Variants in TBC1D19 observed in about 807,000 individuals in gnomAD.
The protein encoded by TBC1D19 is TBC1 domain family, member 19.
TBC1D19 carries 60 observed loss-of-function variants against 89.0 expected under a neutral mutation model. That is an observed-to-expected ratio of 0.67 (90% CI 0.55 to 0.84). The LOEUF (loss-of-function observed/expected upper bound fraction) is 0.84, where lower values mean the gene tolerates loss of function less well. Among genes scored for constraint, TBC1D19 ranks in the 40% least tolerant of loss-of-function variants. TBC1D19 has a pLI of 0.00. For synonymous variants in TBC1D19, 189 were observed against 199.7 expected (o/e 0.95, Z 0.45); for missense variants, 500 against 610.8 (o/e 0.82, Z 1.91).
chr4:26,728,839 C>T (rs1334619160), intron 15 of TBC1D19, among the ~76,000 whole-genome samples: 1 of 152,034 alleles, frequency 6.6e-6, no homozygotes, highest in African/African-American at 2.4e-5. Flanking sequence ...TGGTGAAACC[C>T]CGTCTCTACT....
At chr4:26,803,694 A>C in the TBC1D19 span, among the ~76,000 whole-genome samples, 3 of 152,296 alleles carry the variant, frequency 2.0e-5, no homozygotes, top group South Asian at 6.2e-4. Flanking sequence ...TGGAGGGATT[A>C]ACAGGGAGTA....
At chr4:26,734,429 A>G (rs1418326607) in intron 15 of TBC1D19, among the ~76,000 whole-genome samples, 2 of 152,178 alleles carry the variant, frequency 1.3e-5, no homozygotes, top group African/African-American at 4.8e-5. Context: ...TGTTAGCTAT[A>G]TGGTGGTATA....
intron 12 of TBC1D19, among the ~76,000 whole-genome samples, chr4:26,688,016 G>C (rs1005521583): frequency 1.3e-5 from 2 of 152,124 alleles, no homozygotes; most frequent in Non-Finnish European, 2.9e-5. Context: ...GGGCCAGATC[G>C]TTATGGTTGC....
chr4:26,706,577 C>T (rs1715753424), intron 13 of TBC1D19, among the ~76,000 whole-genome samples: 1 of 152,052 alleles, frequency 6.6e-6, no homozygotes, highest in South Asian at 2.1e-4. Context: ...CTGCTAGCTT[C>T]TAGCCTAGTT....
At chr4:26,578,350 G>A (rs1280777032) in intron 1 of TBC1D19, among the ~76,000 whole-genome samples, 2 of 152,120 alleles carry the variant, frequency 1.3e-5, no homozygotes, top group Admixed American at 6.5e-5. Context: ...ATGGAGACAG[G>A]TCCAACTGCA....
intron 16 of TBC1D19, 126 bp downstream of exon 16, chr4:26,735,613 T>G: frequency 1.2e-6 from 1 of 805,966 alleles, no homozygotes; most frequent in Non-Finnish European, 1.8e-6. Flanking sequence ...AAAAATAAAG[T>G]GAAATGCATG....
At chr4:26,710,821 T>C (rs928668531) in intron 13 of TBC1D19, among the ~76,000 whole-genome samples, 1 of 152,228 alleles carries the variant, frequency 6.6e-6, no homozygotes, top group African/African-American at 2.4e-5. Context: ...GCTGCCTAAA[T>C]GTCTTCTTTT....
intron 13 of TBC1D19, among the ~76,000 whole-genome samples, chr4:26,702,635 A>C (rs1392169083): frequency 6.6e-6 from 1 of 152,148 alleles, no homozygotes; most frequent in Non-Finnish European, 1.5e-5. Flanking sequence ...TAATTTTTTC[A>C]GTCATAGGTC....
At chr4:26,824,397 T>C in the TBC1D19 span, among the ~76,000 whole-genome samples, 10 of 152,204 alleles carry the variant, frequency 6.6e-5, no homozygotes, top group Non-Finnish European at 1.2e-4. Context: ...TTCACAGTAA[T>C]ATATTTCTCT....
the TBC1D19 span, among the ~76,000 whole-genome samples, chr4:26,847,163 A>G: frequency 6.6e-6 from 1 of 152,016 alleles, no homozygotes; most frequent in Non-Finnish European, 1.5e-5. Flanking sequence ...GCTACCACAC[A>G]CTCTTCTAGC....
the TBC1D19 span, among the ~76,000 whole-genome samples, chr4:26,842,003 A>G: frequency 6.6e-6 from 1 of 152,220 alleles, no homozygotes; most frequent in African/African-American, 2.4e-5. Context: ...GTTGAGAGAG[A>G]AAGAGAGATC....
chr4:26,709,306 C>G (rs1361168280), intron 13 of TBC1D19, among the ~76,000 whole-genome samples: 1 of 151,874 alleles, frequency 6.6e-6, no homozygotes, highest in African/African-American at 2.4e-5. Flanking sequence ...TTTTGAATGA[C>G]CTAGTCTTTA....
At chr4:26,656,310 A>G (rs1010614462) in intron 7 of TBC1D19, among the ~76,000 whole-genome samples, 1 of 152,014 alleles carries the variant, frequency 6.6e-6, no homozygotes, top group African/African-American at 2.4e-5. Context: ...TTTTCATGTC[A>G]TTACCCATAT....
intron 19 of TBC1D19, 101 bp from the exon 20 acceptor site, chr4:26,753,719 G>A (rs1158481466): frequency 5.2e-5 from 65 of 1,258,050 alleles, no homozygotes; most frequent in Non-Finnish European, 4.6e-6. Flanking sequence ...TAAAGCACTA[G>A]TTCTGAGTTT....
intron 1 of TBC1D19, among the ~76,000 whole-genome samples, 165 bp downstream of exon 1, chr4:26,584,457 A>C (rs1739291718): frequency 1.3e-5 from 2 of 149,096 alleles, no homozygotes; most frequent in South Asian, 4.3e-4. Context: ...AAACAAAAAC[A>C]AAACAAAACA....
chr4:26,814,939 C>T, the TBC1D19 span, among the ~76,000 whole-genome samples: 193 of 151,794 alleles, frequency 1.3e-3, 1 homozygote, highest in African/African-American at 3.4e-3. Flanking sequence ...GGAGGATCAC[C>T]GGGACCCAGG....
At chr4:26,665,997 A>G (rs570665610) in intron 8 of TBC1D19, among the ~76,000 whole-genome samples, 1 of 152,038 alleles carries the variant, frequency 6.6e-6, no homozygotes, top group East Asian at 1.9e-4. Flanking sequence ...AATATTGCTA[A>G]TGGCTCTCCA....
chr4:26,710,872 G>T (rs997379744), intron 13 of TBC1D19, among the ~76,000 whole-genome samples: 1 of 152,030 alleles, frequency 6.6e-6, no homozygotes, highest in African/African-American at 2.4e-5. Flanking sequence ...GTTTTGATGG[G>T]GTTGTTTGTT....
At chr4:26,773,962 G>T in the TBC1D19 span, among the ~76,000 whole-genome samples, 4 of 152,182 alleles carry the variant, frequency 2.6e-5, no homozygotes, top group African/African-American at 9.6e-5. Flanking sequence ...GCCTTCCTCA[G>T]GTGCCTCTGC....
Sources: allele counts gnomAD v4.1 joint callset (sites outside exome capture counted in the v4.1 genomes callset), GRCh38; gene constraint gnomAD v4.1.1; transcripts MANE v1.5; gene names NCBI Gene and HGNC (gene_info 2026-07-23, HGNC 2026-07-21).